The following FERMT1 variants were observed in gnomAD, a reference collection of about 807,000 sequenced individuals.
FERMT1 encodes fermitin family homolog 1.
Under a neutral mutation model 85.3 loss-of-function variants are expected in FERMT1, and 60 were observed. The ratio of observed to expected loss-of-function variants is 0.70; its 90% CI spans 0.57 to 0.87. FERMT1 has a LOEUF of 0.87. Among genes scored for constraint, FERMT1 ranks in the 40% least tolerant of loss-of-function variants. The probability of loss-of-function intolerance (pLI) is 0.00; values close to 1 mark genes in which losing one functional copy is unlikely to be tolerated. For missense variants in FERMT1, 701 were observed against 818.9 expected (o/e 0.86, Z 1.76); for synonymous variants, 275 against 301.1 (o/e 0.91, Z 0.90).
intron 3 of FERMT1, among the ~76,000 whole-genome samples, chr20:6,113,667 C>A (rs1034354252): frequency 6.6e-6 from 1 of 152,176 alleles, no homozygotes; most frequent in Non-Finnish European, 1.5e-5. Context: ...AATTAATGCT[C>A]CCCAAGAGCA....
chr20:6,104,761 C>A lies in FERMT1; in HGVS notation c.849+2771G>T, dbSNP rs984760429. On this transcript the variant is annotated intron_variant, in intron 6 of 14. Coordinates refer to ENST00000217289, the MANE Select transcript of FERMT1 (RefSeq NM_017671.5). The surrounding 1 kb of genome is among the most constrained non-coding windows in gnomAD (Gnocchi z 4.2). Reference sequence around the variant, plus strand: ...AGTGTCCTTGTCCCCTTCTGGAGTACGATTCGTTTGATTTCTTCCACTTTT... The same window carrying A: ...AGTGTCCTTGTCCCCTTCTGGAGTAAGATTCGTTTGATTTCTTCCACTTTT... Among the ~76,000 whole-genome samples, 6 of 152,204 alleles carry A rather than the reference C, an allele frequency of 3.9e-5. No individual in the cohort carries two copies. The highest frequency in any genetic ancestry group is 2.6e-4 in the Admixed American group (4 of 15,284).
rs115319698 is a variant in FERMT1, at chr20:6,097,123, T to C, written c.958-90A>G. ...ATTAGCCATTTTTTTCTTTGAGGACTATTCCCTTGGAATACTGAACATCTC... is the reference window on the plus strand; with the variant it reads ...ATTAGCCATTTTTTTCTTTGAGGACCATTCCCTTGGAATACTGAACATCTC... On this transcript the variant is annotated intron_variant, in intron 7 of 14. Transcript: ENST00000217289. The C allele has an allele frequency of 2.0e-4, 258 of 1,296,334 alleles. 1 individual carries two copies. The African/African-American group carries it at 2.8e-3, about 14-fold the overall frequency. The allele number at this position is 1,296,334 out of a possible 1,614,324, so 80.3% of individuals were successfully genotyped here.
At chr20:6,097,103 C>T (rs751535410) in intron 7 of FERMT1, 70 bp from the exon 8 acceptor site, 1 of 1,492,066 alleles carries the variant, frequency 6.7e-7, no homozygotes, top group Non-Finnish European at 9.3e-7. Flanking sequence ...AATCCATTAG[C>T]CATTTTTTTC....
intron 8 of FERMT1, among the ~76,000 whole-genome samples, chr20:6,095,321 C>T (rs1982471231): frequency 1.3e-5 from 2 of 152,030 alleles, no homozygotes; most frequent in Non-Finnish European, 1.5e-5. Context: ...GTGTATTTTT[C>T]ACTTTTCTGT....
intron 14 of FERMT1, among the ~76,000 whole-genome samples, chr20:6,078,071 A>G (rs1307031064): frequency 6.6e-6 from 1 of 152,254 alleles, no homozygotes; most frequent in Non-Finnish European, 1.5e-5. Flanking sequence ...AACTCTAAGC[A>G]CTAGAAGAAA....
chr20:6,092,542 C>CAA (rs111243077), intron 9 of FERMT1, among the ~76,000 whole-genome samples: 37 of 144,892 alleles, frequency 2.6e-4, no homozygotes, highest in South Asian at 6.6e-4. Flanking sequence ...GACTTTGTCT[C>CAA]AAAAAAAAAA....
At chr20:6,083,660 C>CT (rs1982064175) in intron 13 of FERMT1, among the ~76,000 whole-genome samples, 1 of 126,122 alleles carries the variant, frequency 7.9e-6, no homozygotes, top group Non-Finnish European at 1.7e-5. Flanking sequence ...GAGACACCCC[C>CT]CCCCCCGGCC....
chr20:6,083,482 G>A (rs1427008171), intron 13 of FERMT1, among the ~76,000 whole-genome samples: 2 of 152,014 alleles, frequency 1.3e-5, no homozygotes, highest in African/African-American at 4.8e-5. Flanking sequence ...TAACAATTCT[G>A]CAAAGCCACA....
intron 10 of FERMT1, among the ~76,000 whole-genome samples, 184 bp downstream of exon 10, chr20:6,088,781 G>A (rs1205191788): frequency 6.6e-6 from 1 of 151,878 alleles, no homozygotes; most frequent in Non-Finnish European, 1.5e-5. Context: ...GTGCCACCAC[G>A]CCTGGCTAAT....
intron 2 of FERMT1, 26 bp from the exon 3 acceptor site, chr20:6,116,070 T>C (rs1409567572): frequency 1.3e-6 from 2 of 1,549,882 alleles, no homozygotes; most frequent in Non-Finnish European, 1.8e-6. Flanking sequence ...CACAATTAAG[T>C]AAAATGAGAG....
chr20:6,082,628 T>A (rs1333786644), intron 13 of FERMT1, among the ~76,000 whole-genome samples: 2 of 152,194 alleles, frequency 1.3e-5, no homozygotes, highest in Non-Finnish European at 2.9e-5. Context: ...ATGAGATATT[T>A]CAGTGAATAG....
At position 6,097,527 on chromosome 20, in the gene FERMT1, T is replaced by C. The variant is rs1982540028; in HGVS notation, c.954A>G (p.Leu318=). Residue 318 remains leucine (L), a synonymous_variant, in exon 7 of 15, where the codon CTA becomes CTG. Transcript: ENST00000217289. The part of the protein sequence containing the change: ...TEEEMLIFAA[L]QYHISKLSLS... ...AAAGGTACTGAAGTTCCCATACCTG[T>C]AGAGCTGCAAAGATCAACATTTCTT... is the stretch of plus-strand genomic sequence containing the variant. The C allele has an allele frequency of 6.2e-7, 1 of 1,609,508 alleles. No individual in the cohort carries two copies. Among genetic ancestry groups the C allele is most frequent in the South Asian group, 1.1e-5 (1 of 91,004 alleles).
chr20:6,088,258 C>A (rs1463624990), intron 10 of FERMT1, among the ~76,000 whole-genome samples: 1 of 152,116 alleles, frequency 6.6e-6, no homozygotes, highest in African/African-American at 2.4e-5. Context: ...TTAAATATTT[C>A]AATTAATAGA....
At chr20:6,082,613 A>G (rs6117073) in intron 13 of FERMT1, among the ~76,000 whole-genome samples, 4,216 of 152,250 alleles carry the variant, frequency 0.028, 109 homozygotes, top group Middle Eastern at 0.061. Flanking sequence ...GGGGACTGAT[A>G]TTCAATGAGA....
intron 6 of FERMT1, among the ~76,000 whole-genome samples, chr20:6,101,295 T>G (rs1982651525): frequency 6.6e-6 from 1 of 152,210 alleles, no homozygotes; most frequent in South Asian, 2.1e-4. Context: ...GCGAGATACT[T>G]TTACAAGAAT....
intron 14 of FERMT1, among the ~76,000 whole-genome samples, chr20:6,079,176 G>A (rs968697574): frequency 1.3e-5 from 2 of 152,178 alleles, no homozygotes; most frequent in South Asian, 2.1e-4. Context: ...ACTGCTCAGC[G>A]ATTTCAGAAC....
chr20:6,079,298 GCAGA>G (rs1471878822), intron 14 of FERMT1, 134 bp downstream of exon 14: 26 of 957,546 alleles, frequency 2.7e-5, no homozygotes, highest in Non-Finnish European at 4.0e-5. Flanking sequence ...GATGATTTTA[GCAGA>G]CAGACAGTTA....
rs7273304 is a variant in FERMT1, at chr20:6,084,187, C to T, written c.1594-23G>A. The stretch of plus-strand genomic sequence containing the variant: ...CAGCTGAACAGAAACAGACATCAAC[C>T]TCTCTTCACATGCACCGGCTGCTCT... On this transcript the variant is annotated intron_variant, in intron 12 of 14. Coordinates refer to ENST00000217289, the MANE Select transcript of FERMT1 (RefSeq NM_017671.5). 170 of 1,603,012 alleles carry T rather than the reference C, an allele frequency of 1.1e-4. 1 individual carries two copies. The African/African-American group carries it at 1.8e-3, about 17-fold the overall frequency.
chr20:6,094,823 A>G (rs936206744), intron 9 of FERMT1, 116 bp downstream of exon 9: 1 of 744,036 alleles, frequency 1.3e-6, no homozygotes, highest in Non-Finnish European at 2.5e-6. Flanking sequence ...GGCAAAGCGC[A>G]CATTTTACCT....
Sources: allele counts gnomAD v4.1 joint callset (sites outside exome capture counted in the v4.1 genomes callset), GRCh38; gene constraint gnomAD v4.1.1; non-coding constraint Gnocchi (gnomAD v3.1); transcripts MANE v1.5; gene names NCBI Gene and HGNC (gene_info 2026-07-23, HGNC 2026-07-21).